The following ST7 variants were observed in gnomAD, a reference collection of about 807,000 sequenced individuals.
ST7 encodes the protein suppressor of tumorigenicity 7 protein.
Under a neutral mutation model 78.7 loss-of-function variants are expected in ST7, and 28 were observed. The observed-to-expected ratio is 0.36, with a 90% CI of 0.26 to 0.49. The LOEUF is 0.49. ST7 is among the 20% of genes least tolerant of loss of function. The pLI, the probability that ST7 is intolerant of heterozygous loss-of-function variation, is 0.99. For synonymous variants in ST7, 247 were observed against 249.6 expected, an observed-to-expected ratio of 0.99 and a Z score of 0.10; for missense variants, 418 against 696.0, an observed-to-expected ratio of 0.60 and a Z score of 4.49.
chr7:116,994,134 C>T (rs1046318174), intron 1 of ST7, among the ~76,000 whole-genome samples: 5 of 152,146 alleles, frequency 3.3e-5, no homozygotes, highest in African/African-American at 1.2e-4. Flanking sequence ...CCAACTGAAA[C>T]GTTGTACCCA....
intron 9 of ST7, among the ~76,000 whole-genome samples, chr7:117,162,125 C>G (rs905272234): frequency 2.0e-5 from 3 of 152,052 alleles, no homozygotes; most frequent in African/African-American, 7.2e-5. Flanking sequence ...ATAATTTGCT[C>G]TCATTTTTAT....
At chr7:117,035,479 C>T (rs573584169) in intron 1 of ST7, among the ~76,000 whole-genome samples, 1 of 152,160 alleles carries the variant, frequency 6.6e-6, no homozygotes, top group Non-Finnish European at 1.5e-5. Context: ...AATTCATCTG[C>T]AAATTCAAAT....
At chr7:117,105,697 G>A (rs1801899942) in intron 2 of ST7, among the ~76,000 whole-genome samples, 1 of 152,212 alleles carries the variant, frequency 6.6e-6, no homozygotes, top group African/African-American at 2.4e-5. Context: ...AGAATAGTCA[G>A]AAGAGAATAA....
intron 9 of ST7, among the ~76,000 whole-genome samples, chr7:117,166,966 C>G (rs1747299039): frequency 6.6e-6 from 1 of 150,862 alleles, no homozygotes; most frequent in Admixed American, 6.6e-5. Context: ...TGGACAAATG[C>G]AGATGCTGTG....
chr7:117,049,378 G>A (rs1177209437), intron 1 of ST7, among the ~76,000 whole-genome samples: 2 of 152,136 alleles, frequency 1.3e-5, no homozygotes, highest in Non-Finnish European at 2.9e-5. Flanking sequence ...CTCTTGGTTG[G>A]CAGAAGCTGC....
At chr7:117,152,176 A>AATATATAT (rs1563124468) in intron 9 of ST7, among the ~76,000 whole-genome samples, 2 of 60,846 alleles carry the variant, frequency 3.3e-5, no homozygotes, top group African/African-American at 1.5e-4. Flanking sequence ...ATATATAAAA[A>AATATATAT]CTATATATAT....
chr7:117,230,142 T>C lies in ST7; in HGVS notation c.*285T>C, dbSNP rs2116254107. 1 of 536,892 alleles carries C rather than the reference T, an allele frequency of 1.9e-6. No homozygotes were observed. Among genetic ancestry groups the C allele is most frequent in the South Asian group, 1.9e-5 (1 of 52,534 alleles). 33.3% of individuals were successfully genotyped at this position (536,892 alleles called of 1,614,324 possible). Reference sequence around the variant, plus strand: ...CCTGTGTCTTCCAACCCTAAAATTGTTGATGTCCCAAATAAACCTTTGGAT... The same window carrying C: ...CCTGTGTCTTCCAACCCTAAAATTGCTGATGTCCCAAATAAACCTTTGGAT... On this transcript the variant is annotated 3_prime_UTR_variant, in exon 16 of 16. Transcript: ENST00000323984.
chr7:117,016,093 T>C (rs1795602237), intron 1 of ST7, among the ~76,000 whole-genome samples: 1 of 152,224 alleles, frequency 6.6e-6, no homozygotes, highest in African/African-American at 2.4e-5. Context: ...TTTTTGAAGA[T>C]AAAACATTTT....
chr7:117,194,184 C>G (rs1412230798), intron 12 of ST7, among the ~76,000 whole-genome samples: 1 of 152,174 alleles, frequency 6.6e-6, no homozygotes, highest in Non-Finnish European at 1.5e-5. Flanking sequence ...AACACATAGG[C>G]TCATCATTAC....
At chr7:116,995,712 C>T (rs1377767508) in intron 1 of ST7, among the ~76,000 whole-genome samples, 1 of 152,162 alleles carries the variant, frequency 6.6e-6, no homozygotes, top group African/African-American at 2.4e-5. Context: ...AACTCAGATG[C>T]CTACCTACAG....
At chr7:117,223,065 GGAAACTCGGC>G in intron 15 of ST7, 1 of 945,320 alleles carries the variant, frequency 1.1e-6, no homozygotes, top group Non-Finnish European at 1.7e-6. Context: ...TGCTCAAGCC[GGAAACTCGGC>G]AGCCCTTCCA....
intron 9 of ST7, among the ~76,000 whole-genome samples, chr7:117,159,587 A>G (rs1806969213): frequency 6.6e-6 from 1 of 152,228 alleles, no homozygotes; most frequent in Non-Finnish European, 1.5e-5. Context: ...CCTTTATCAT[A>G]TGCTTTCATT....
chr7:117,208,897 GT>G (rs1792025542), intron 12 of ST7, among the ~76,000 whole-genome samples: 1 of 99,164 alleles, frequency 1.0e-5, no homozygotes, highest in African/African-American at 4.0e-5. Context: ...GTGGGTGTAT[GT>G]GTGGGTGTGT....
intron 1 of ST7, chr7:116,958,732 A>G (rs1430521285): frequency 2.1e-6 from 1 of 470,274 alleles, no homozygotes; most frequent in East Asian, 6.9e-5. Flanking sequence ...TAAAAGTTAT[A>G]GTCACACTAT....
At chr7:117,187,741 G>A (rs1809400275) in intron 10 of ST7, 2 of 152,040 alleles carry the variant, frequency 1.3e-5, no homozygotes, top group Admixed American at 6.6e-5. Flanking sequence ...CATTGTTTTC[G>A]GAAACAAGGC....
chr7:117,211,794 G>A (rs1792319670), intron 13 of ST7, among the ~76,000 whole-genome samples: 1 of 152,138 alleles, frequency 6.6e-6, no homozygotes, highest in South Asian at 2.1e-4. Flanking sequence ...TGATCAACTG[G>A]AAGGATAATG....
At chr7:117,140,943 CTT>C (rs1243565919) in intron 9 of ST7, among the ~76,000 whole-genome samples, 2 of 152,212 alleles carry the variant, frequency 1.3e-5, no homozygotes, top group Admixed American at 6.5e-5. Context: ...GGACCCTTCT[CTT>C]TGCTAAAGCT....
At chr7:117,100,072 G>A (rs1372254890) in intron 2 of ST7, among the ~76,000 whole-genome samples, 1 of 152,030 alleles carries the variant, frequency 6.6e-6, no homozygotes, top group East Asian at 1.9e-4. Context: ...TGTTGAAGGG[G>A]AAAAACAAAT....
chr7:117,000,783 G>A (rs1199183810), intron 1 of ST7, among the ~76,000 whole-genome samples: 2 of 152,230 alleles, frequency 1.3e-5, no homozygotes, highest in Non-Finnish European at 2.9e-5. Flanking sequence ...TAATACCTGG[G>A]AGGCCAGGGA....
Sources: gnomAD v4.1 joint callset for allele counts (sites outside exome capture counted in the v4.1 genomes callset) on GRCh38, gnomAD v4.1.1 for gene constraint, MANE v1.5 for transcripts, NCBI Gene and HGNC (gene_info 2026-07-23, HGNC 2026-07-21) for gene names.